GNA15: variants seen among roughly 807,000 people sequenced by gnomAD.
GNA15 encodes G protein subunit alpha 15.
A neutral mutation model predicts 40.1 loss-of-function variants in GNA15; 23 were observed. The observed-to-expected ratio is 0.57, with a 90% CI of 0.41 to 0.81. The LOEUF (loss-of-function observed/expected upper bound fraction) is 0.81. GNA15 is among the 40% of genes least tolerant of loss of function. GNA15 has a pLI of 0.00. For missense variants in GNA15, 522 were observed against 515.8 expected, an observed-to-expected ratio of 1.01 and a Z score of -0.12; for synonymous variants, 226 against 210.4, an observed-to-expected ratio of 1.07 and a Z score of -0.64.
At position 3,151,778 on chromosome 19, in the gene GNA15, G is replaced by C; in HGVS notation, c.557G>C (p.Arg186Pro). 6.2e-7 allele frequency: 1 copy of C among 1,612,462 alleles called. No homozygotes were observed. The highest frequency in any genetic ancestry group is 8.5e-7 in the Non-Finnish European group (1 of 1,179,462). The change falls in exon 4 of 7, where the codon CGC (arginine) becomes CCC (proline). Residue 186 changes from arginine (R) to proline (P), a missense_variant. Physicochemically the swap from Arg to Pro is moderately radical, Grantham distance 103 (BLOSUM62 -2). Coordinates refer to ENST00000262958, the MANE Select transcript of GNA15 (RefSeq NM_002068.4). This position sits in a 1 kb window ranked among gnomAD's most constrained non-coding sequence, Gnocchi z 5.0. ...ACAGCTCAGGACGTGCTCCGCAGCC[G>C]CATGCCCACCACTGGCATCAACGAG... ...VPTAQDVLRSRMPTTGINEYC... is the reference protein window; with the variant it reads ...VPTAQDVLRSPMPTTGINEYC...
In GNA15 at chr19:3,151,614, C is replaced by G. The variant is rs1914882177; in HGVS notation, c.486-93C>G. The G allele has an allele frequency of 7.1e-7, 1 of 1,408,664 alleles. No homozygotes were observed. Among genetic ancestry groups the G allele is most frequent in the Admixed American group, 2.6e-5 (1 of 38,690 alleles). The allele number at this position is 1,408,664 out of a possible 1,614,324, so 87.3% of individuals were successfully genotyped here. ...CACCTCCACCCAGGGAGCTCTCCTC[C>G]CCCAGCAGGGTCCTTGCTGGGCCTT... On this transcript the variant is annotated intron_variant, in intron 3 of 6. Coordinates refer to ENST00000262958, the MANE Select transcript of GNA15 (RefSeq NM_002068.4). This position sits in a 1 kb window ranked among gnomAD's most constrained non-coding sequence, Gnocchi z 5.0.
chr19:3,150,088 A>T, intron 2 of GNA15, 43 bp from the exon 3 acceptor site: 1 of 1,579,176 alleles, frequency 6.3e-7, no homozygotes, highest in Non-Finnish European at 8.7e-7. Context: ...GGGCAGCCCC[A>T]CTCAGAAAGG....
At chr19:3,147,782 A>G (rs1373615859) in intron 1 of GNA15, among the ~76,000 whole-genome samples, 8 of 144,262 alleles carry the variant, frequency 5.5e-5, no homozygotes, top group Non-Finnish European at 7.5e-5. Context: ...AGCTACTCAG[A>G]GAGGCTGAGG....
At chr19:3,153,417 G>T (rs912368687) in intron 4 of GNA15, among the ~76,000 whole-genome samples, 4 of 151,878 alleles carry the variant, frequency 2.6e-5, no homozygotes, top group African/African-American at 7.3e-5. Context: ...TGGATGAGTG[G>T]GTGGATGGAT....
At chr19:3,147,704 G>GT (rs1914762772) in intron 1 of GNA15, among the ~76,000 whole-genome samples, 1 of 151,720 alleles carries the variant, frequency 6.6e-6, no homozygotes, top group South Asian at 2.1e-4. Flanking sequence ...CAAGACCACG[G>GT]TGAAACCCCG....
Position 3,155,805 on chromosome 19 carries a change from C to A in GNA15, c.615-18C>A. The A allele has an allele frequency of 6.2e-7, 1 of 1,609,072 alleles. No homozygotes were observed. Among genetic ancestry groups the A allele is most frequent in the Non-Finnish European group, 8.5e-7 (1 of 1,178,552 alleles). On this transcript the variant is annotated intron_variant, in intron 4 of 6. Transcript: ENST00000262958. The surrounding 1 kb of genome is among the most constrained non-coding windows in gnomAD (Gnocchi z 5.6). ...CAGGCTCCTGAGCTCTGAAAGGGGGCACCTCGGTTCCCTGTAGGATCGTGG... is the reference window on the plus strand; with the variant it reads ...CAGGCTCCTGAGCTCTGAAAGGGGGAACCTCGGTTCCCTGTAGGATCGTGG...
chr19:3,148,588 C>T lies in GNA15; in HGVS notation c.146-3C>T, dbSNP rs769533085. On this transcript the variant is annotated splice_region_variant and splice_polypyrimidine_tract_variant and intron_variant, in intron 1 of 6. Coordinates refer to ENST00000262958, the MANE Select transcript of GNA15 (RefSeq NM_002068.4). ...CTGAGCGGTTCTGCTGCTCCATCCC[C>T]AGGCCCAGGCGAGAGCGGGAAGAGC... The T allele has an allele frequency of 7.7e-6, 12 of 1,568,230 alleles. No individual in the cohort carries two copies. The highest frequency in any genetic ancestry group is 9.5e-6 in the Non-Finnish European group (11 of 1,156,428).
At chr19:3,148,509 T>A in intron 1 of GNA15, 82 bp from the exon 2 acceptor site, 1 of 1,291,756 alleles carries the variant, frequency 7.7e-7, no homozygotes, top group Non-Finnish European at 1.0e-6. Flanking sequence ...GGCGTGGAGT[T>A]GGGGGTGTCT....
At chr19:3,139,727 G>A (rs11880935) in intron 1 of GNA15, among the ~76,000 whole-genome samples, 42,353 of 151,316 alleles carry the variant, frequency 0.28, 6,095 homozygotes, top group Non-Finnish European at 0.32. Flanking sequence ...ATGAAACCCC[G>A]TCTCTACTAA....
chr19:3,154,418 T>C (rs564736223), intron 4 of GNA15, among the ~76,000 whole-genome samples: 7 of 139,676 alleles, frequency 5.0e-5, no homozygotes, highest in African/African-American at 1.9e-4. Flanking sequence ...GATGGGTACA[T>C]GGGTGGATGA....
intron 5 of GNA15, among the ~76,000 whole-genome samples, chr19:3,156,347 G>A (rs1915020646): frequency 6.6e-6 from 1 of 151,510 alleles, no homozygotes; most frequent in African/African-American, 2.4e-5. Flanking sequence ...GAACACACAT[G>A]CACCACACAC....
chr19:3,156,193 C>CT lies in GNA15; in HGVS notation c.744+241_744+242insT, dbSNP rs1442736102. Among the ~76,000 whole-genome samples, 428 of 92,036 alleles carry CT rather than the reference C, an allele frequency of 4.7e-3. 1 individual carries two copies. Among genetic ancestry groups the CT allele is most frequent in the African/African-American group, 0.011 (262 of 23,422 alleles). The allele number at this position is 92,036 out of a possible 152,430, so 60.4% of individuals were successfully genotyped here. On this transcript the variant is annotated intron_variant, in intron 5 of 6. Coordinates refer to ENST00000262958, the MANE Select transcript of GNA15 (RefSeq NM_002068.4). ...ACACACACACACACACACACACACA[C>CT]ACACACACACTACAGTGCACACACG...
At chr19:3,144,485 A>T (rs1478972973) in intron 1 of GNA15, among the ~76,000 whole-genome samples, 1 of 151,856 alleles carries the variant, frequency 6.6e-6, no homozygotes, top group Non-Finnish European at 1.5e-5. Context: ...GACCTGGGGG[A>T]TGTTGTCGTT....
At chr19:3,142,989 AC>A (rs1914612601) in intron 1 of GNA15, 1 of 152,216 alleles carries the variant, frequency 6.6e-6, no homozygotes, top group Middle Eastern at 3.2e-3. Flanking sequence ...GCTCAATGCC[AC>A]ACCCCAAGGA....
At position 3,162,863 on chromosome 19, in the gene GNA15, C is replaced by T. The variant is rs750987383; in HGVS notation, c.969C>T (p.Cys323=). 5 of 1,613,984 alleles carry T rather than the reference C, an allele frequency of 3.1e-6. No individual in the cohort carries two copies. Among genetic ancestry groups the T allele is most frequent in the South Asian group, 1.1e-5 (1 of 91,086 alleles). ...TGTACACGAGGATGTACACCGGGTG[C>T]GTGGACGGCCCCGAGGGCAGCAAGA... ...LDMYTRMYTG[C]VDGPEGSKKG... Residue 323 remains cysteine, a synonymous_variant, in exon 7 of 7, where the codon TGC becomes TGT. Transcript: ENST00000262958.
In GNA15 at chr19:3,150,256, G is replaced by T. The variant is rs548919904; in HGVS notation, c.456G>T (p.Arg152=). Residue 152 remains arginine (R), a synonymous_variant, in exon 3 of 7, where the codon CGG becomes CGT. Transcript: ENST00000262958. ...TCCGGGCCTGCTATGAGCGTCGGCG[G>T]GAATTCCACCTGCTCGATTCAGCCG... The part of the protein sequence containing the change: ...AGIRACYERR[R]EFHLLDSAVY... 3 of 1,604,826 alleles carry T rather than the reference G, an allele frequency of 1.9e-6. No homozygotes were observed. The Admixed American group carries it at 5.1e-5, about 27-fold the overall frequency.
chr19:3,136,527 A>G lies in GNA15; in HGVS notation c.77A>G (p.Gln26Arg), dbSNP rs1204709662. The change falls in exon 1 of 7, where the codon CAG becomes CGG. Residue 26 changes from glutamine to arginine, a missense_variant. Physicochemically the swap from Gln to Arg is conservative, Grantham distance 43. Coordinates refer to ENST00000262958, the MANE Select transcript of GNA15 (RefSeq NM_002068.4). The surrounding 1 kb of genome is among the most constrained non-coding windows in gnomAD (Gnocchi z 4.9). ...EDEKAAARVD[Q>R]EINRILLEQK... is the part of the protein sequence containing the mutation. The stretch of plus-strand genomic sequence containing the variant: ...GAGAAGGCCGCCGCCCGGGTGGACC[A>G]GGAGATCAACAGGATCCTCTTGGAG... 1.9e-6 allele frequency: 3 copies of G among 1,568,450 alleles called. No homozygotes were observed. The South Asian group carries it at 3.5e-5, about 18-fold the overall frequency.
intron 6 of GNA15, among the ~76,000 whole-genome samples, chr19:3,161,578 C>G (rs1915139609): frequency 6.6e-6 from 1 of 152,108 alleles, no homozygotes; most frequent in South Asian, 2.1e-4. Flanking sequence ...GATAGCCCCT[C>G]TTCCTTGCCA....
Position 3,151,719 on chromosome 19 carries a change from C to A in GNA15, c.498C>A (p.His166Gln). 1 of 1,602,608 alleles carries A rather than the reference C, an allele frequency of 6.2e-7. No homozygotes were observed. The highest frequency in any genetic ancestry group is 8.5e-7 in the Non-Finnish European group (1 of 1,174,998). Residue 166 changes from histidine (H) to glutamine (Q), a missense_variant, in exon 4 of 7, where the codon CAC becomes CAA. His to Gln is a conservative substitution (Grantham distance 24, BLOSUM62 0). Transcript: ENST00000262958. This position sits in a 1 kb window ranked among gnomAD's most constrained non-coding sequence, Gnocchi z 5.0. ...CCTTGCTCTGCAGCTACCTGTCCCA[C>A]CTGGAGCGCATCACCGAGGAGGGCT... The part of the protein sequence containing the change: ...LLDSAVYYLS[H>Q]LERITEEGYV...
Sources: allele counts gnomAD v4.1 joint callset (sites outside exome capture counted in the v4.1 genomes callset), GRCh38; gene constraint gnomAD v4.1.1; non-coding constraint Gnocchi (gnomAD v3.1); transcripts MANE v1.5; gene names NCBI Gene and HGNC (gene_info 2026-07-23, HGNC 2026-07-21).